MYO6: variants seen among roughly 807,000 people sequenced by gnomAD.
MYO6 encodes unconventional myosin-VI.
In MYO6, 74 loss-of-function variants were observed where a neutral mutation model predicts 178.7. The observed-to-expected ratio is 0.41, with a 90% CI of 0.34 to 0.50. The LOEUF (loss-of-function observed/expected upper bound fraction) is 0.50, where lower values mean the gene tolerates loss of function less well. MYO6 is among the 20% of genes least tolerant of loss of function. MYO6 has a pLI of 0.09. For missense variants in MYO6, 1,330 were observed against 1,547.4 expected (o/e 0.86, Z 2.36); for synonymous variants, 477 against 504.6 (o/e 0.95, Z 0.73).
chr6:75,801,953 A>AT (rs1032446831), intron 1 of MYO6, among the ~76,000 whole-genome samples: 29 of 151,728 alleles, frequency 1.9e-4, no homozygotes, highest in African/African-American at 6.8e-4. Context: ...AAAAAAAAAA[A>AT]TGTGATTCTC....
chr6:75,823,464 A>T (rs1772118243), intron 3 of MYO6, among the ~76,000 whole-genome samples: 1 of 152,194 alleles, frequency 6.6e-6, no homozygotes, highest in Admixed American at 6.5e-5. Flanking sequence ...AATTATGTAC[A>T]CTTGTCATGG....
chr6:75,915,174 T>C lies in MYO6; in HGVS notation c.*162T>C, dbSNP rs2149436074. ...TGGTGAATTTGTTTAAGGTTAATTA[T>C]GGTAGCAAATTTTGGACCTAAACAT... On this transcript the variant is annotated 3_prime_UTR_variant, in exon 35 of 35. Coordinates refer to ENST00000369977, the MANE Select transcript of MYO6 (RefSeq NM_004999.4). 1 of 747,046 alleles carries C rather than the reference T, an allele frequency of 1.3e-6. No homozygotes were observed. Among genetic ancestry groups the C allele is most frequent in the Non-Finnish European group, 2.2e-6 (1 of 460,168 alleles). The allele number at this position is 747,046 out of a possible 1,614,324, so 46.3% of individuals were successfully genotyped here. A position where few individuals can be genotyped will look rare whatever the true frequency, so the allele number is the denominator to read the frequency against.
intron 1 of MYO6, among the ~76,000 whole-genome samples, chr6:75,794,030 A>G (rs959759289): frequency 1.3e-5 from 2 of 152,234 alleles, no homozygotes; most frequent in Non-Finnish European, 2.9e-5. Context: ...GCCAGAAGTA[A>G]TCAGAGACAA....
chr6:75,750,842 A>T (rs1044193296), intron 1 of MYO6, among the ~76,000 whole-genome samples: 7 of 152,022 alleles, frequency 4.6e-5, no homozygotes, highest in Non-Finnish European at 8.8e-5. Context: ...GGCCTCCCAA[A>T]GTGCTAGGAT....
intron 15 of MYO6, 105 bp downstream of exon 15, chr6:75,861,200 G>T (rs1776188867): frequency 1.1e-6 from 1 of 925,776 alleles, no homozygotes; most frequent in African/African-American, 1.6e-5. Flanking sequence ...TATATGACTT[G>T]AAACTGGTAT....
chr6:75,859,465 A>G (rs1407328432), intron 14 of MYO6, among the ~76,000 whole-genome samples: 29 of 150,922 alleles, frequency 1.9e-4, no homozygotes, highest in Non-Finnish European at 1.5e-5. Context: ...ATGCCCAACA[A>G]ATTTTTGTAT....
chr6:75,797,794 A>G (rs1367377497), intron 1 of MYO6, among the ~76,000 whole-genome samples: 2 of 152,202 alleles, frequency 1.3e-5, no homozygotes, highest in African/African-American at 4.8e-5. Context: ...TCAGCTTTCC[A>G]AAATGCTGGG....
intron 1 of MYO6, among the ~76,000 whole-genome samples, chr6:75,757,009 GTATATA>G (rs1294470068): frequency 7.4e-6 from 1 of 135,090 alleles, no homozygotes; most frequent in South Asian, 2.4e-4. Flanking sequence ...TATATAGTGT[GTATATA>G]TGTATACACA....
chr6:75,790,490 T>C (rs1323958269), intron 1 of MYO6, among the ~76,000 whole-genome samples: 1 of 151,976 alleles, frequency 6.6e-6, no homozygotes, highest in Non-Finnish European at 1.5e-5. Context: ...CAAGCAATTC[T>C]CTTGCCTCTG....
At chr6:75,750,317 G>C (rs527902901) in intron 1 of MYO6, among the ~76,000 whole-genome samples, 4 of 152,102 alleles carry the variant, frequency 2.6e-5, no homozygotes, top group African/African-American at 4.8e-5. Flanking sequence ...GGCAGGTCTT[G>C]AAATCCTGAC....
chr6:75,821,372 A>G (rs1471881248), intron 2 of MYO6, among the ~76,000 whole-genome samples: 3 of 152,170 alleles, frequency 2.0e-5, no homozygotes, highest in South Asian at 2.1e-4. Context: ...GCATTTTCCT[A>G]TAGAATCATT....
intron 1 of MYO6, among the ~76,000 whole-genome samples, chr6:75,762,655 C>CT (rs1385662142): frequency 6.6e-6 from 1 of 152,216 alleles, no homozygotes; most frequent in Admixed American, 6.5e-5. Flanking sequence ...CTGAGCCAGA[C>CT]TCACCCTCAG....
chr6:75,841,937 G>A (rs1483086983), intron 9 of MYO6, among the ~76,000 whole-genome samples: 3 of 152,044 alleles, frequency 2.0e-5, no homozygotes, highest in Non-Finnish European at 1.5e-5. Context: ...TAAACCCTAC[G>A]TCAATTTAAA....
At chr6:75,759,653 A>G (rs1777778683) in intron 1 of MYO6, among the ~76,000 whole-genome samples, 1 of 152,018 alleles carries the variant, frequency 6.6e-6, no homozygotes, top group Non-Finnish European at 1.5e-5. Flanking sequence ...GCAAATGGAG[A>G]TTAACTAGGA....
intron 1 of MYO6, among the ~76,000 whole-genome samples, chr6:75,778,688 TCTC>T (rs944073876): frequency 1.6e-4 from 25 of 152,090 alleles, no homozygotes; most frequent in African/African-American, 6.0e-4. Context: ...AGCTAATTAT[TCTC>T]CTAATTACTT....
intron 28 of MYO6, chr6:75,894,943 T>C: frequency 2.5e-6 from 2 of 814,772 alleles, no homozygotes; most frequent in South Asian, 5.0e-5. Flanking sequence ...TTACCTAAAA[T>C]TGTAAAATAA....
chr6:75,887,020 TTGAC>T, intron 25 of MYO6, 26 bp downstream of exon 25: 2 of 1,596,774 alleles, frequency 1.3e-6, no homozygotes, highest in African/African-American at 2.7e-5. Flanking sequence ...CCGAATGACT[TTGAC>T]TTTTTATGTA....
chr6:75,867,026 A>T lies in MYO6; in HGVS notation c.1865A>T (p.Glu622Val). 2.5e-6 allele frequency: 4 copies of T among 1,613,344 alleles called. No individual in the cohort carries two copies. Among genetic ancestry groups the T allele is most frequent in the Non-Finnish European group, 3.4e-6 (4 of 1,179,310 alleles). ...GATAAGTTTATACGGGAATTATTTG[A>T]ATCATCCACAAATAACAACAAAGAT... is the stretch of plus-strand genomic sequence containing the variant. ...SRDKFIRELF[E>V]SSTNNNKDTK... Residue 622 changes from glutamate to valine, a missense_variant, in exon 18 of 35, where the codon GAA becomes GTA. By Grantham distance (121) the Glu-to-Val change is moderately radical (BLOSUM62 -2). Around this residue, in one of 3 missense-constraint regions of MYO6, gnomAD observed 613 missense variants for 816.8 expected, o/e 0.75. Transcript: ENST00000369977.
In MYO6 at chr6:75,919,503, A is replaced by G. The variant is rs545795576; in HGVS notation, c.*4491A>G. On this transcript the variant is annotated 3_prime_UTR_variant, in exon 35 of 35. Transcript: ENST00000369977. ...TTCTCTAAAAATTGATGTACTGGAA[A>G]TACAAATAAATAAATGCTCCCTGTG... 6.5e-6 allele frequency: 1 copy of G among 152,772 alleles called. No homozygotes were observed. The highest frequency in any genetic ancestry group is 2.4e-5 in the African/African-American group (1 of 41,580). 9.5% of individuals were successfully genotyped at this position (152,772 alleles called of 1,614,324 possible).
Sources: gnomAD v4.1 joint callset for allele counts (sites outside exome capture counted in the v4.1 genomes callset) on GRCh38, gnomAD v4.1.1 for gene constraint, gnomAD v4.1.1 regional missense constraint, MANE v1.5 for transcripts, NCBI Gene and HGNC (gene_info 2026-07-23, HGNC 2026-07-21) for gene names.